SNAP25: variants seen among roughly 807,000 people sequenced by gnomAD.
SNAP25 encodes the protein synaptosomal-associated protein 25.
Under a neutral mutation model 28.7 loss-of-function variants are expected in SNAP25, and 3 were observed. The observed-to-expected ratio is 0.10, with a 90% CI of 0.05 to 0.27. The LOEUF (loss-of-function observed/expected upper bound fraction) is 0.27. Among genes scored for constraint, SNAP25 ranks in the 10% least tolerant of loss-of-function variants. The probability of loss-of-function intolerance (pLI) is 1.00; values close to 1 mark genes in which losing one functional copy is unlikely to be tolerated. For missense variants in SNAP25, 117 were observed against 278.7 expected (o/e 0.42, Z 4.13); for synonymous variants, 61 against 88.1 (o/e 0.69, Z 1.72).
chr20:10,219,892 TC>T (rs1426450398), intron 1 of SNAP25: 1 of 152,278 alleles, frequency 6.6e-6, no homozygotes, highest in African/African-American at 2.4e-5. Flanking sequence ...CCTGTTCCCC[TC>T]CTCACCTCCT....
At chr20:10,290,459 G>A (rs1004021219) in intron 4 of SNAP25, among the ~76,000 whole-genome samples, 9 of 152,024 alleles carry the variant, frequency 5.9e-5, no homozygotes, top group Non-Finnish European at 1.0e-4. Flanking sequence ...GCTGGTAACC[G>A]ATGGCAGAGC....
In SNAP25 at chr20:10,257,479, G is replaced by A. The variant is rs541042782; in HGVS notation, c.-63-17950G>A. On this transcript the variant is annotated intron_variant, in intron 1 of 7. Transcript: ENST00000254976. ...GCCTGTCCCAGCACTTTGGGAGGCC[G>A]AGGCGGGCGGATCACCTGAGGTTGG... is the stretch of plus-strand genomic sequence containing the variant. 3.9e-5 allele frequency among the ~76,000 whole-genome samples: 6 copies of A among 152,234 alleles called. No individual in the cohort carries two copies. In the East Asian group the frequency reaches 7.7e-4, roughly 20 times the overall value.
chr20:10,257,882 CAA>C (rs57183397), intron 1 of SNAP25, among the ~76,000 whole-genome samples: 1,647 of 84,210 alleles, frequency 0.02, 6 homozygotes, highest in African/African-American at 0.035. Flanking sequence ...GACTCTGTCT[CAA>C]AAAAAAAAAA....
chr20:10,267,651 C>T (rs867481837), intron 1 of SNAP25, among the ~76,000 whole-genome samples: 1 of 152,094 alleles, frequency 6.6e-6, no homozygotes, highest in East Asian at 1.9e-4. Flanking sequence ...CTCCCAGGTA[C>T]GAGGTTTCTC....
At chr20:10,219,660 C>A (rs1717898836) in intron 1 of SNAP25, 1 of 152,216 alleles carries the variant, frequency 6.6e-6, no homozygotes, top group Non-Finnish European at 1.5e-5. Flanking sequence ...CTCGCGCGGG[C>A]GCCCTCGACC....
chr20:10,264,808 A>G (rs1356566142), intron 1 of SNAP25, among the ~76,000 whole-genome samples: 1 of 152,150 alleles, frequency 6.6e-6, no homozygotes, highest in Non-Finnish European at 1.5e-5. Flanking sequence ...TTGAAAATGC[A>G]GATGCTAGCC....
At position 10,269,958 on chromosome 20, in the gene SNAP25, A is replaced by G. The variant is rs117768281; in HGVS notation, c.-63-5471A>G. 9.1e-3 allele frequency among the ~76,000 whole-genome samples: 1,380 copies of G among 152,290 alleles called. 7 individuals carry two copies. Among genetic ancestry groups the G allele is most frequent in the Non-Finnish European group, 0.013 (911 of 68,032 alleles). On this transcript the variant is annotated intron_variant, in intron 1 of 7. Transcript: ENST00000254976. ...CTGCCCCTTGTTTCCCACTCTATAT[A>G]ACTATAGGACTCCAGCCCGGCACGG...
intron 1 of SNAP25, among the ~76,000 whole-genome samples, chr20:10,270,246 C>T (rs2063570411): frequency 6.6e-6 from 1 of 152,000 alleles, no homozygotes; most frequent in Non-Finnish European, 1.5e-5. Flanking sequence ...AAGAGCGAAA[C>T]TCTATCTCAA....
At chr20:10,303,387 G>A (rs969816691) in intron 7 of SNAP25, among the ~76,000 whole-genome samples, 8 of 152,186 alleles carry the variant, frequency 5.3e-5, no homozygotes, top group African/African-American at 1.7e-4. Flanking sequence ...ACAGATGACA[G>A]AGAACCATTG....
intron 1 of SNAP25, among the ~76,000 whole-genome samples, chr20:10,233,034 G>A (rs1028056562): frequency 1.3e-5 from 2 of 152,074 alleles, no homozygotes; most frequent in East Asian, 3.9e-4. Flanking sequence ...TCATGACCAG[G>A]CACACTTACA....
chr20:10,240,345 C>T (rs2063003617), intron 1 of SNAP25, among the ~76,000 whole-genome samples: 1 of 152,186 alleles, frequency 6.6e-6, no homozygotes. Context: ...CCCAGGCAAT[C>T]TCCTTTTTTA....
At chr20:10,248,775 C>T (rs1568587327) in intron 1 of SNAP25, among the ~76,000 whole-genome samples, 1 of 152,214 alleles carries the variant, frequency 6.6e-6, no homozygotes, top group Non-Finnish European at 1.5e-5. Flanking sequence ...GTTACTCAAA[C>T]ATTAGTGTGC....
chr20:10,266,698 G>A (rs1191546647), intron 1 of SNAP25, among the ~76,000 whole-genome samples: 1 of 152,120 alleles, frequency 6.6e-6, no homozygotes, highest in Non-Finnish European at 1.5e-5. Context: ...ATTGATAAAA[G>A]CAATAATGCA....
intron 1 of SNAP25, among the ~76,000 whole-genome samples, chr20:10,223,515 G>C (rs1382707040): frequency 3.3e-5 from 5 of 152,142 alleles, no homozygotes; most frequent in Non-Finnish European, 7.3e-5. Context: ...TGACTACCTA[G>C]GGGAAACTTA....
chr20:10,246,224 G>T (rs2063124468), intron 1 of SNAP25, among the ~76,000 whole-genome samples: 1 of 152,200 alleles, frequency 6.6e-6, no homozygotes. Context: ...CTGGTTTAGA[G>T]TAAAAGAGAA....
chr20:10,226,648 T>TC (rs2062738986), intron 1 of SNAP25, among the ~76,000 whole-genome samples: 1 of 152,070 alleles, frequency 6.6e-6, no homozygotes, highest in Non-Finnish European at 1.5e-5. Flanking sequence ...GAGCTATGGC[T>TC]CTCTAATCAA....
intron 1 of SNAP25, among the ~76,000 whole-genome samples, chr20:10,238,314 A>C (rs189639499): frequency 2.0e-5 from 3 of 152,274 alleles, no homozygotes; most frequent in Non-Finnish European, 4.4e-5. Flanking sequence ...GAACTGCTTG[A>C]TTTGTACATA....
chr20:10,295,012 C>T (rs530415552), intron 5 of SNAP25, among the ~76,000 whole-genome samples: 3 of 152,332 alleles, frequency 2.0e-5, no homozygotes, highest in East Asian at 1.9e-4. Context: ...ATGGCTCCTA[C>T]GAATTCCACT....
chr20:10,265,712 T>A (rs536324690), intron 1 of SNAP25, among the ~76,000 whole-genome samples: 1 of 152,244 alleles, frequency 6.6e-6, no homozygotes, highest in East Asian at 1.9e-4. Flanking sequence ...GACATGTGAA[T>A]TGGTGAGGTT....
Sources: gnomAD v4.1 joint callset for allele counts (sites outside exome capture counted in the v4.1 genomes callset) on GRCh38, gnomAD v4.1.1 for gene constraint, MANE v1.5 for transcripts, NCBI Gene and HGNC (gene_info 2026-07-23, HGNC 2026-07-21) for gene names.